IGFN1: variants seen among roughly 807,000 people sequenced by gnomAD.
IGFN1 encodes the protein immunoglobulin-like and fibronectin type III domain-containing protein 1.
Under a neutral mutation model 289.5 loss-of-function variants are expected in IGFN1, and 253 were observed. That is an observed-to-expected ratio of 0.87 (90% CI 0.79 to 0.97). The LOEUF (loss-of-function observed/expected upper bound fraction) is 0.97, where lower values mean the gene tolerates loss of function less well. IGFN1 is among the 50% of genes least tolerant of loss of function. The pLI is 0.00. For synonymous variants in IGFN1, 1,706 were observed against 1,788.5 expected (o/e 0.95, Z 1.16); for missense variants, 4,470 against 4,686.1 (o/e 0.95, Z 1.35).
chr1:201,225,308 T>A (rs1296538695), intron 21 of IGFN1, among the ~76,000 whole-genome samples: 1 of 152,198 alleles, frequency 6.6e-6, no homozygotes, highest in Non-Finnish European at 1.5e-5. Context: ...TCAAATAGAC[T>A]AACAGTGGGG....
rs141462005 is a variant in IGFN1, at chr1:201,196,432, C to T, written c.267+454C>T. 4.7e-3 allele frequency among the ~76,000 whole-genome samples: 720 copies of T among 152,314 alleles called. 5 individuals carry two copies. The highest frequency in any genetic ancestry group is 0.017 in the African/African-American group (694 of 41,552). ...TGATCTTGGTTCTCTGCAACCTCCA[C>T]CTCCCAGGTTCAAGCGATTCTCCTG... is the stretch of plus-strand genomic sequence containing the variant. On this transcript the variant is annotated intron_variant, in intron 4 of 23. Coordinates refer to ENST00000335211, the MANE Select transcript of IGFN1 (RefSeq NM_001164586.2).
chr1:201,212,108 T>C lies in IGFN1; in HGVS notation c.7215T>C (p.Gly2405=), dbSNP rs1359957524. The change falls in exon 12 of 24, where the codon GGT becomes GGC. Residue 2405 remains glycine (G), a synonymous_variant. Coordinates refer to ENST00000335211, the MANE Select transcript of IGFN1 (RefSeq NM_001164586.2). ...ASEGDTNSKD[G]PERARETRLV... The stretch of plus-strand genomic sequence containing the variant: ...AGGGTGACACGAACTCCAAGGATGG[T>C]CCAGAGCGAGCCAGGGAAACCAGGC... 1.3e-6 allele frequency: 2 copies of C among 1,536,218 alleles called. No homozygotes were observed. The highest frequency in any genetic ancestry group is 8.7e-7 in the Non-Finnish European group (1 of 1,146,720).
Position 201,216,452 on chromosome 1 carries a change from A to G in IGFN1, c.9296-2A>G. The stretch of plus-strand genomic sequence containing the variant: ...TTCCCGCTCCTCTCTGTGGGTCCCC[A>G]GACAAGCCTGATCCCCCACAAGGCC... On this transcript the variant is annotated splice_acceptor_variant, in intron 15 of 23. Coordinates refer to ENST00000335211, the MANE Select transcript of IGFN1 (RefSeq NM_001164586.2). LOFTEE classifies it high-confidence loss of function. 3 of 1,550,656 alleles carry G rather than the reference A, an allele frequency of 1.9e-6. No homozygotes were observed. The South Asian group carries it at 3.6e-5, about 19-fold the overall frequency.
Position 201,203,827 on chromosome 1 carries a change from C to T in IGFN1, c.837C>T (p.Asp279=), listed in dbSNP as rs1667271423. 2 of 1,551,606 alleles carry T rather than the reference C, an allele frequency of 1.3e-6. No individual in the cohort carries two copies. Among genetic ancestry groups the T allele is most frequent in the Non-Finnish European group, 1.7e-6 (2 of 1,147,012 alleles). The change falls in exon 10 of 24, where the codon GAC becomes GAT. Residue 279 remains aspartate, a synonymous_variant. Transcript: ENST00000335211. ...LGKRYEFQIQ[D]LRPEDSGIYQ... ...AGCGCTATGAGTTCCAGATTCAAGACCTGAGGCCTGAGGACTCTGGCATTT... is the reference window on the plus strand; with the variant it reads ...AGCGCTATGAGTTCCAGATTCAAGATCTGAGGCCTGAGGACTCTGGCATTT...
Position 201,206,391 on chromosome 1 carries a change from GC to G in IGFN1, c.1500del (p.Thr501LeufsTer118). 6.4e-7 allele frequency: 1 copy of G among 1,550,762 alleles called. No individual in the cohort carries two copies. Among genetic ancestry groups the G allele is most frequent in the South Asian group, 1.2e-5 (1 of 84,056 alleles). On this transcript the variant is annotated frameshift_variant, in exon 12 of 24. Transcript: ENST00000335211. LOFTEE classifies it high-confidence loss of function. ...EGFPVAEGSR[A>X]TLPRENQSHR... ...CTTTCCAGTAGCAGAGGGAAGCAGAGCCACTCTTCCCAGGGAAAATCAATCC... is the reference window on the plus strand; with the variant it reads ...CTTTCCAGTAGCAGAGGGAAGCAGAGCACTCTTCCCAGGGAAAATCAATCC...
chr1:201,221,523 C>T lies in IGFN1; in HGVS notation c.9978C>T (p.Asp3326=). The T allele has an allele frequency of 6.2e-7, 1 of 1,614,006 alleles. No individual in the cohort carries two copies. The highest frequency in any genetic ancestry group is 2.2e-5 in the East Asian group (1 of 44,880). Residue 3326 remains aspartate, a synonymous_variant, in exon 19 of 24, where the codon GAC becomes GAT. Coordinates refer to ENST00000335211, the MANE Select transcript of IGFN1 (RefSeq NM_001164586.2). ...TCACTCTGAGCTGGGCTGGGCCAGACACCCAGGAAGGGGATGAAGCCCAGG... is the reference window on the plus strand; with the variant it reads ...TCACTCTGAGCTGGGCTGGGCCAGATACCCAGGAAGGGGATGAAGCCCAGG... ...TSITLSWAGP[D]TQEGDEAQGY... is the part of the protein sequence containing the mutation.
chr1:201,221,364 C>A, intron 18 of IGFN1, 80 bp from the exon 19 acceptor site: 2 of 1,107,764 alleles, frequency 1.8e-6, no homozygotes, highest in Non-Finnish European at 1.3e-6. Flanking sequence ...CAGTCTCCCA[C>A]AAGGAAGGCT....
intron 11 of IGFN1, among the ~76,000 whole-genome samples, chr1:201,205,856 T>C (rs1558139745): frequency 6.6e-6 from 1 of 152,226 alleles, no homozygotes; most frequent in Non-Finnish European, 1.5e-5. Flanking sequence ...CAGGGTGGCC[T>C]GCGGGTATAG....
intron 21 of IGFN1, among the ~76,000 whole-genome samples, chr1:201,225,182 C>G (rs1451491377): frequency 6.6e-6 from 1 of 152,188 alleles, no homozygotes; most frequent in Non-Finnish European, 1.5e-5. Context: ...TACATCACTC[C>G]AAAGACCCAG....
chr1:201,208,970 T>C lies in IGFN1; in HGVS notation c.4077T>C (p.Asp1359=). 3 of 1,535,636 alleles carry C rather than the reference T, an allele frequency of 2.0e-6. No homozygotes were observed. The highest frequency in any genetic ancestry group is 2.6e-6 in the Non-Finnish European group (3 of 1,146,506). The part of the protein sequence containing the change: ...SREAGSGSKA[D]YSGGLKGSRE... ...AAGCGGGTTCAGGGAGCAAGGCAGA[T>C]TATAGCGGTGGTTTAAAGGGTTCCA... Residue 1359 remains aspartate, a synonymous_variant, in exon 12 of 24, where the codon GAT becomes GAC. Coordinates refer to ENST00000335211, the MANE Select transcript of IGFN1 (RefSeq NM_001164586.2).
chr1:201,214,094 A>G, intron 12 of IGFN1, 83 bp from the exon 13 acceptor site: 2 of 1,396,958 alleles, frequency 1.4e-6, no homozygotes, highest in Non-Finnish European at 1.9e-6. Flanking sequence ...CCCAGTTGGC[A>G]GGACCATGGT....
At position 201,201,700 on chromosome 1, in the gene IGFN1, GTGTT is replaced by G. The variant is rs1447149575; in HGVS notation, c.634-15_634-12del. ...AGAGCTTCATGAGCTCTCCTGCTGG[GTGTT>G]TGTCTGCTTTGTAGTACATCAACAC... On this transcript the variant is annotated splice_polypyrimidine_tract_variant and intron_variant, in intron 8 of 23. Coordinates refer to ENST00000335211, the MANE Select transcript of IGFN1 (RefSeq NM_001164586.2). 17 of 1,322,070 alleles carry G rather than the reference GTGTT, an allele frequency of 1.3e-5. No homozygotes were observed. The highest frequency in any genetic ancestry group is 1.7e-5 in the Non-Finnish European group (16 of 937,392). The allele number at this position is 1,322,070 out of a possible 1,614,324, so 81.9% of individuals were successfully genotyped here. A position where few individuals can be genotyped will look rare whatever the true frequency, so the allele number is the denominator to read the frequency against.
intron 11 of IGFN1, 36 bp from the exon 12 acceptor site, chr1:201,206,047 G>T (rs1301576735): frequency 3.7e-6 from 5 of 1,362,996 alleles, no homozygotes; most frequent in Middle Eastern, 1.8e-4. Flanking sequence ...CTCCATGTGG[G>T]CACTGACCTT....
intron 4 of IGFN1, among the ~76,000 whole-genome samples, chr1:201,196,236 G>C (rs1241020958): frequency 6.6e-6 from 1 of 152,152 alleles, no homozygotes; most frequent in African/African-American, 2.4e-5. Context: ...CAGACTGCTG[G>C]AGTTACAATC....
rs949356925 is a variant in IGFN1, at chr1:201,212,148, G to T, written c.7255G>T (p.Gly2419Ter). ...GGAAACCAGGCTTGTGGATGGGGCAGGACCTGGGGTGGAACCTGGGATGGC... is the reference window on the plus strand; with the variant it reads ...GGAAACCAGGCTTGTGGATGGGGCATGACCTGGGGTGGAACCTGGGATGGC... Reference protein sequence around the residue: ...ARETRLVDGAGPGVEPGMAGM... With the variant: ...ARETRLVDGA Residue 2419 changes from glycine to a stop codon, truncating the protein, a stop_gained, in exon 12 of 24, where the codon GGA becomes TGA. Transcript: ENST00000335211. LOFTEE classifies it high-confidence loss of function. 1.3e-6 allele frequency: 2 copies of T among 1,536,284 alleles called. No individual in the cohort carries two copies. Among genetic ancestry groups the T allele is most frequent in the South Asian group, 1.2e-5 (1 of 84,042 alleles).
At position 201,224,859 on chromosome 1, in the gene IGFN1, C is replaced by T. The variant is rs1239741748; in HGVS notation, c.10471C>T (p.Arg3491Cys). The change falls in exon 21 of 24, where the codon CGT becomes TGT. Residue 3491 changes from arginine to cysteine, a missense_variant. Physicochemically the swap from Arg to Cys is radical, Grantham distance 180 (BLOSUM62 -3). Around this residue, in one of 8 missense-constraint regions of IGFN1, gnomAD observed 2,218 missense variants for 2,114.1 expected, o/e 1.05. Coordinates refer to ENST00000335211, the MANE Select transcript of IGFN1 (RefSeq NM_001164586.2). ...GGGGAAGGAGGTTGCCCACAGCTTC[C>T]GTATCAGGGTGGCAGGTGAGGCAGG... ...LQGKEVAHSF[R>C]IRVAACPQAP... 15 of 1,613,216 alleles carry T rather than the reference C, an allele frequency of 9.3e-6. No homozygotes were observed. Among genetic ancestry groups the T allele is most frequent in the South Asian group, 4.4e-5 (4 of 90,856 alleles).
chr1:201,201,262 T>A (rs1174212914), intron 8 of IGFN1, among the ~76,000 whole-genome samples: 1 of 152,198 alleles, frequency 6.6e-6, no homozygotes. Context: ...TAAGTCTAAT[T>A]TTTCTTCTGA....
At position 201,221,728 on chromosome 1, in the gene IGFN1, C is replaced by A; in HGVS notation, c.10183C>A (p.Gln3395Lys). ...SQPSALDTLV[Q>K]AMPVTVCPKF... is the part of the protein sequence containing the mutation. ...GCCCAGTGCCCTGGACACATTAGTGCAAGCCATGCCTGTTACTGGTGAGTG... is the reference window on the plus strand; with the variant it reads ...GCCCAGTGCCCTGGACACATTAGTGAAAGCCATGCCTGTTACTGGTGAGTG... The change falls in exon 19 of 24, where the codon CAA becomes AAA. Residue 3395 changes from glutamine to lysine, a missense_variant. By Grantham distance (53) the Gln-to-Lys change is moderately conservative. This residue lies in a region of IGFN1 where 2,218 missense variants were observed against 2,114.1 expected (regional missense o/e 1.05). Coordinates refer to ENST00000335211, the MANE Select transcript of IGFN1 (RefSeq NM_001164586.2). 6.3e-7 allele frequency: 1 copy of A among 1,593,196 alleles called. No individual in the cohort carries two copies. Among genetic ancestry groups the A allele is most frequent in the Non-Finnish European group, 8.6e-7 (1 of 1,167,292 alleles).
At chr1:201,225,015 A>G (rs1428120896) in intron 21 of IGFN1, 141 bp downstream of exon 21, 3 of 590,586 alleles carry the variant, frequency 5.1e-6, no homozygotes, top group Admixed American at 3.5e-5. Context: ...CCTTTCCTCC[A>G]TGCTTGATGA....
Sources: gnomAD v4.1 joint callset for allele counts (sites outside exome capture counted in the v4.1 genomes callset) on GRCh38, gnomAD v4.1.1 for gene constraint, gnomAD v4.1.1 regional missense constraint, MANE v1.5 for transcripts, NCBI Gene and HGNC (gene_info 2026-07-23, HGNC 2026-07-21) for gene names.